ACSL3: variants seen among roughly 807,000 people sequenced by gnomAD.
ACSL3 encodes fatty acid CoA ligase Acsl3.
In ACSL3, 34 loss-of-function variants were observed where a neutral mutation model predicts 84.7. The observed-to-expected ratio is 0.40, with a 90% CI of 0.31 to 0.53. The LOEUF is 0.53. Ranked by LOEUF, ACSL3 falls within the 20% of genes least tolerant of loss-of-function variation. ACSL3 has a pLI of 0.48. For synonymous variants in ACSL3, 315 were observed against 299.4 expected (o/e 1.05, Z -0.54); for missense variants, 680 against 873.1 (o/e 0.78, Z 2.79).
intron 1 of ACSL3, among the ~76,000 whole-genome samples, chr2:222,868,700 A>G (rs897001563): frequency 1.3e-5 from 2 of 152,320 alleles, no homozygotes; most frequent in South Asian, 2.1e-4. Flanking sequence ...TAATCCCAGC[A>G]CTTTGGGAGG....
rs902007599 is a variant in ACSL3, at chr2:222,943,700, T to C, written c.*2046T>C. The C allele has an allele frequency of 6.6e-6, 1 of 151,998 alleles. No individual in the cohort carries two copies. Among genetic ancestry groups the C allele is most frequent in the African/African-American group, 2.4e-5 (1 of 41,396 alleles). 9.4% of individuals were successfully genotyped at this position (151,998 alleles called of 1,614,324 possible). A position where few individuals can be genotyped will look rare whatever the true frequency, so the allele number is the denominator to read the frequency against. Reference sequence around the variant, plus strand: ...CAGTAGAAAGTGAAATTAAGTAGAGTCCCCTTTTAAACAAATTTGTCTGTA... The same window carrying C: ...CAGTAGAAAGTGAAATTAAGTAGAGCCCCCTTTTAAACAAATTTGTCTGTA... On this transcript the variant is annotated 3_prime_UTR_variant, in exon 17 of 17. Coordinates refer to ENST00000357430, the MANE Select transcript of ACSL3 (RefSeq NM_004457.5).
chr2:222,880,548 G>A (rs1160090204), intron 1 of ACSL3, among the ~76,000 whole-genome samples: 2 of 152,038 alleles, frequency 1.3e-5, no homozygotes, highest in Non-Finnish European at 2.9e-5. Context: ...TCAATTTTTG[G>A]CCGGGCGCGG....
intron 4 of ACSL3, among the ~76,000 whole-genome samples, chr2:222,909,924 G>A (rs1177351295): frequency 6.6e-6 from 1 of 152,070 alleles, no homozygotes; most frequent in Non-Finnish European, 1.5e-5. Flanking sequence ...AGATAGTTGA[G>A]GTAACCTACC....
At chr2:222,923,172 T>C (rs1574558947) in intron 10 of ACSL3, 23 bp downstream of exon 10, 2 of 1,584,324 alleles carry the variant, frequency 1.3e-6, no homozygotes, top group African/African-American at 1.3e-5. Flanking sequence ...CCTTATTTAA[T>C]ATTGAGTATT....
intron 1 of ACSL3, among the ~76,000 whole-genome samples, chr2:222,864,843 T>G (rs1221630554): frequency 6.6e-6 from 1 of 152,144 alleles, no homozygotes; most frequent in Non-Finnish European, 1.5e-5. Flanking sequence ...AGGGGACACC[T>G]TCCACAGTAA....
chr2:222,930,501 C>G, intron 13 of ACSL3, 120 bp from the exon 14 acceptor site: 1 of 827,724 alleles, frequency 1.2e-6, no homozygotes, highest in Non-Finnish European at 1.8e-6. Flanking sequence ...TAGTGTCTGC[C>G]TTTTTTCCTT....
At chr2:222,912,253 G>A (rs1696462772) in intron 4 of ACSL3, among the ~76,000 whole-genome samples, 1 of 152,232 alleles carries the variant, frequency 6.6e-6, no homozygotes, top group Non-Finnish European at 1.5e-5. Context: ...AGCTGTGGCA[G>A]TGATCTGCAG....
chr2:222,892,531 C>T (rs1254038931), intron 2 of ACSL3, among the ~76,000 whole-genome samples: 2 of 152,120 alleles, frequency 1.3e-5, no homozygotes, highest in Non-Finnish European at 2.9e-5. Context: ...CCCTTCTTGA[C>T]CCTGGTTTCC....
rs777038517 is a variant in ACSL3 at position 222,930,647 on chromosome 2, C to T, written c.1567C>T (p.His523Tyr). The T allele has an allele frequency of 6.2e-7, 1 of 1,613,470 alleles. No homozygotes were observed. The highest frequency in any genetic ancestry group is 1.1e-5 in the South Asian group (1 of 91,014). Residue 523 changes from histidine (H) to tyrosine (Y), a missense_variant, in exon 14 of 17, where the codon CAC (histidine) becomes TAC (tyrosine). His to Tyr is a moderately conservative substitution (Grantham distance 83, BLOSUM62 2). Transcript: ENST00000357430. ...EGGYFNTDKP[H>Y]PRGEILIGGQ... is the part of the protein sequence containing the mutation. Reference sequence around the variant, plus strand: ...TGGATACTTTAATACTGATAAGCCACACCCCAGGGGTGAAATTCTTATTGG... The same window carrying T: ...TGGATACTTTAATACTGATAAGCCATACCCCAGGGGTGAAATTCTTATTGG...
chr2:222,862,817 A>G (rs1222279488), intron 1 of ACSL3, among the ~76,000 whole-genome samples: 2 of 152,196 alleles, frequency 1.3e-5, no homozygotes, highest in Non-Finnish European at 2.9e-5. Context: ...CAGTTACTGA[A>G]TTTGTAAGGC....
chr2:222,886,836 A>G (rs1316721286), intron 1 of ACSL3, among the ~76,000 whole-genome samples: 1 of 152,094 alleles, frequency 6.6e-6, no homozygotes, highest in Non-Finnish European at 1.5e-5. Context: ...CCCTTCCCCT[A>G]CACAGGCATA....
chr2:222,883,560 A>C (rs1348000017), intron 1 of ACSL3, among the ~76,000 whole-genome samples: 1 of 152,140 alleles, frequency 6.6e-6, no homozygotes, highest in African/African-American at 2.4e-5. Flanking sequence ...TCTGTCTAGA[A>C]GTCAGTTATT....
intron 1 of ACSL3, among the ~76,000 whole-genome samples, chr2:222,871,380 G>A (rs1354416645): frequency 6.6e-6 from 1 of 152,182 alleles, no homozygotes; most frequent in African/African-American, 2.4e-5. Flanking sequence ...GTAGGCGATG[G>A]TGAGATCAGG....
chr2:222,928,477 C>G (rs1345554569), intron 12 of ACSL3, among the ~76,000 whole-genome samples: 7 of 152,110 alleles, frequency 4.6e-5, no homozygotes. Context: ...CAAGTGGGCC[C>G]TAATGTAAGA....
At chr2:222,931,944 G>A (rs140185115) in intron 14 of ACSL3, among the ~76,000 whole-genome samples, 1,625 of 152,174 alleles carry the variant, frequency 0.011, 15 homozygotes, top group African/African-American at 0.024. Context: ...CCAGCTACTC[G>A]GGAGGCTGAG....
chr2:222,866,583 C>G (rs1695146994), intron 1 of ACSL3, among the ~76,000 whole-genome samples: 1 of 152,138 alleles, frequency 6.6e-6, no homozygotes, highest in South Asian at 2.1e-4. Context: ...AGTCCCTGTT[C>G]TTAACCTGGG....
At chr2:222,869,678 G>A (rs1052169091) in intron 1 of ACSL3, among the ~76,000 whole-genome samples, 3 of 152,140 alleles carry the variant, frequency 2.0e-5, no homozygotes, top group South Asian at 2.1e-4. Flanking sequence ...TGAGCAAAAT[G>A]AGACTAATGT....
At chr2:222,924,033 A>G (rs565336330) in intron 10 of ACSL3, among the ~76,000 whole-genome samples, 127 of 152,328 alleles carry the variant, frequency 8.3e-4, no homozygotes, top group African/African-American at 3.0e-3. Flanking sequence ...GTGAGCAAAG[A>G]ATGTGGTACT....
At chr2:222,909,213 AAAGGGC>A in intron 4 of ACSL3, 63 bp downstream of exon 4, 3 of 1,507,088 alleles carry the variant, frequency 2.0e-6, no homozygotes, top group Non-Finnish European at 2.7e-6. Context: ...GAAATGAAGT[AAAGGGC>A]AAGCACAGCC....
Sources: gnomAD v4.1 joint callset for allele counts (sites outside exome capture counted in the v4.1 genomes callset) on GRCh38, gnomAD v4.1.1 for gene constraint, MANE v1.5 for transcripts, NCBI Gene and HGNC (gene_info 2026-07-23, HGNC 2026-07-21) for gene names.